The following IDO2 variants were observed in gnomAD, a reference collection of about 807,000 sequenced individuals.
IDO2 encodes indoleamine 2,3-dioxygenase-like 1 protein.
Under a neutral mutation model 45.1 loss-of-function variants are expected in IDO2, and 46 were observed. The ratio of observed to expected loss-of-function variants is 1.02; its 90% CI spans 0.80 to 1.30. The LOEUF (loss-of-function observed/expected upper bound fraction) is 1.30. Among genes scored for constraint, IDO2 ranks in the 50% most tolerant of loss-of-function variants. IDO2 has a pLI of 0.00. For missense variants in IDO2, 544 were observed against 491.8 expected, an observed-to-expected ratio of 1.11 and a Z score of -1.00; for synonymous variants, 218 against 184.9, an observed-to-expected ratio of 1.18 and a Z score of -1.45.
intron 8 of IDO2, among the ~76,000 whole-genome samples, chr8:39,991,565 CT>C (rs61354300): frequency 0.37 from 37,963 of 102,526 alleles, 4,427 homozygotes; most frequent in South Asian, 0.44. Flanking sequence ...AGACTCACTT[CT>C]TTTTTTTTTT....
chr8:39,952,563 T>C (rs542999692), intron 2 of IDO2, among the ~76,000 whole-genome samples: 6 of 152,266 alleles, frequency 3.9e-5, no homozygotes, highest in African/African-American at 1.2e-4. Flanking sequence ...CCAACATTTA[T>C]TGTGGAAAAT....
rs2543066 is a variant in IDO2 at position 39,979,726 on chromosome 8, G to C, written c.315+540G>C. Among the ~76,000 whole-genome samples, 15 of 152,274 alleles carry C rather than the reference G, an allele frequency of 9.9e-5. 1 individual carries two copies. In the East Asian group the frequency reaches 1.4e-3, roughly 14 times the overall value. ...AAGAGCTAATTTGTTTTTTAAACTG[G>C]TAGCTATTTCTTCCTTTTATAAGCT... On this transcript the variant is annotated intron_variant, in intron 4 of 10. Coordinates refer to ENST00000502986, the Ensembl canonical transcript of IDO2.
At chr8:40,013,456 T>C in intron 9 of IDO2, 109 bp from the exon 10 acceptor site, 1 of 1,100,698 alleles carries the variant, frequency 9.1e-7, no homozygotes, top group Non-Finnish European at 1.3e-6. Flanking sequence ...ACCCTAAAAT[T>C]ACCATTGAAA....
intron 3 of IDO2, among the ~76,000 whole-genome samples, chr8:39,966,261 T>C (rs1201001605): frequency 6.6e-6 from 1 of 152,012 alleles, no homozygotes; most frequent in Non-Finnish European, 1.5e-5. Flanking sequence ...ACTCCTAACC[T>C]TGTGATCCAC....
Position 40,012,454 on chromosome 8 carries a change from T to C in IDO2, c.720-1111T>C, listed in dbSNP as rs1020520563. Among the ~76,000 whole-genome samples the C allele has an allele frequency of 3.9e-5, 6 of 152,152 alleles. No homozygotes were observed. The East Asian group carries it at 5.8e-4, about 15-fold the overall frequency. ...AGTCTTTGTTACTTTATCTATGAAA[T>C]GAAGTATTTAAAAAAACTCCAAAAA... On this transcript the variant is annotated intron_variant, in intron 9 of 10. Transcript: ENST00000502986.
Position 39,962,545 on chromosome 8 carries a change from C to T in IDO2, c.100-1063C>T, listed in dbSNP as rs12056477. On this transcript the variant is annotated intron_variant, in intron 2 of 10. Coordinates refer to ENST00000502986, the Ensembl canonical transcript of IDO2. The stretch of plus-strand genomic sequence containing the variant: ...CAGGATTTTCTGCTCCTCAGCTCAG[C>T]GAAATCCAGGATCTTGTCTCATGAC... 8.6e-3 allele frequency among the ~76,000 whole-genome samples: 1,313 copies of T among 152,160 alleles called. 11 individuals are homozygous for T. Among genetic ancestry groups the T allele is most frequent in the South Asian group, 0.031 (148 of 4,828 alleles).
At chr8:39,943,735 CAAAAAAAAAAAAA>C (rs61643070) in intron 1 of IDO2, among the ~76,000 whole-genome samples, 3 of 89,232 alleles carry the variant, frequency 3.4e-5, no homozygotes, top group Non-Finnish European at 6.5e-5. Context: ...GACTCCATCT[CAAAAAAAAAAAAA>C]AAAAAAAAAA....
chr8:39,936,993 A>G (rs189974710), intron 1 of IDO2, among the ~76,000 whole-genome samples: 15 of 152,340 alleles, frequency 9.8e-5, no homozygotes, highest in Admixed American at 9.8e-4. Flanking sequence ...AATCATGACT[A>G]GTTTAATCAT....
intron 2 of IDO2, among the ~76,000 whole-genome samples, chr8:39,959,224 T>C (rs952816177): frequency 6.6e-5 from 10 of 151,888 alleles, no homozygotes; most frequent in Middle Eastern, 6.8e-3. Context: ...TCTCCTGCCT[T>C]AGCCTCCCGA....
chr8:39,948,445 A>T (rs1380977281), intron 1 of IDO2, among the ~76,000 whole-genome samples: 1 of 152,218 alleles, frequency 6.6e-6, no homozygotes, highest in Non-Finnish European at 1.5e-5. Context: ...CTAAGGTCAC[A>T]GTAAGACTCA....
At chr8:39,945,281 G>A (rs1423572309) in intron 1 of IDO2, among the ~76,000 whole-genome samples, 1 of 152,198 alleles carries the variant, frequency 6.6e-6, no homozygotes, top group African/African-American at 2.4e-5. Flanking sequence ...GGCTATAGGA[G>A]GAGTTATGAA....
chr8:40,006,201 A>G (rs1046528913), intron 9 of IDO2, among the ~76,000 whole-genome samples: 2 of 152,212 alleles, frequency 1.3e-5, no homozygotes, highest in South Asian at 2.1e-4. Context: ...GTGCAAAAGC[A>G]TACATATTCA....
chr8:39,952,123 A>G (rs920442573), intron 2 of IDO2, among the ~76,000 whole-genome samples: 4 of 152,196 alleles, frequency 2.6e-5, no homozygotes, highest in Non-Finnish European at 4.4e-5. Context: ...TTCTGGGAAG[A>G]GGTAGCAGAC....
chr8:39,948,687 G>A (rs1459373015), intron 1 of IDO2, among the ~76,000 whole-genome samples: 7 of 152,158 alleles, frequency 4.6e-5, no homozygotes, highest in Non-Finnish European at 1.5e-5. Context: ...AAATCTTTGC[G>A]GCAATTTCTG....
In IDO2 at chr8:39,989,676, T is replaced by TTAAGTACACAAC; in HGVS notation, c.550-44_550-43insAAGTACACAACT. On this transcript the variant is annotated intron_variant, in intron 7 of 10. Coordinates refer to ENST00000502986, the Ensembl canonical transcript of IDO2. ...TGAGGCTTACTCTGCCTGCATGGACTTTAAGGGAGTGCTAATAAGTTGTGT... is the reference window on the plus strand; with the variant it reads ...TGAGGCTTACTCTGCCTGCATGGACTTAAGTACACAACTTAAGGGAGTGCTAATAAGTTGTGT... The TTAAGTACACAAC allele has an allele frequency of 3.0e-6, 4 of 1,352,884 alleles. No individual in the cohort carries two copies. The South Asian group carries it at 5.2e-5, about 17-fold the overall frequency. The allele number at this position is 1,352,884 out of a possible 1,614,324, so 83.8% of individuals were successfully genotyped here.
intron 1 of IDO2, among the ~76,000 whole-genome samples, chr8:39,941,751 A>T (rs937218421): frequency 6.6e-6 from 1 of 152,214 alleles, no homozygotes; most frequent in Non-Finnish European, 1.5e-5. Context: ...AGAAAAATAC[A>T]GTTCAAACAA....
At chr8:40,000,395 T>A (rs1424896339) in intron 8 of IDO2, among the ~76,000 whole-genome samples, 2 of 151,038 alleles carry the variant, frequency 1.3e-5, no homozygotes, top group Non-Finnish European at 2.9e-5. Flanking sequence ...GGCAACAGAG[T>A]GAGACTCCAT....
intron 9 of IDO2, among the ~76,000 whole-genome samples, chr8:40,012,952 TC>T (rs1379284019): frequency 6.6e-6 from 1 of 152,206 alleles, no homozygotes; most frequent in African/African-American, 2.4e-5. Context: ...GATAAAGGCA[TC>T]CTCAAAGTCA....
intron 10 of IDO2, 47 bp from the exon 11 acceptor site, chr8:40,015,200 A>G: frequency 9.0e-7 from 1 of 1,105,992 alleles, no homozygotes; most frequent in Non-Finnish European, 1.3e-6. Context: ...GAGCTCTGCT[A>G]TATTTCCATG....
Sources: allele counts gnomAD v4.1 joint callset (sites outside exome capture counted in the v4.1 genomes callset), GRCh38; gene constraint gnomAD v4.1.1; transcripts MANE v1.5; gene names NCBI Gene and HGNC (gene_info 2026-07-23, HGNC 2026-07-21).